The following TLL2 variants were observed in gnomAD, a reference collection of about 807,000 sequenced individuals.
TLL2 encodes the protein tolloid like 2.
TLL2 carries 106 observed loss-of-function variants against 123.0 expected under a neutral mutation model. The ratio of observed to expected loss-of-function variants is 0.86; its 90% confidence interval spans 0.74 to 1.01. The LOEUF (loss-of-function observed/expected upper bound fraction) is 1.01. TLL2 is among the 50% of genes least tolerant of loss of function. The pLI is 0.00. For synonymous variants in TLL2, 494 were observed against 516.8 expected, an observed-to-expected ratio of 0.96 and a Z score of 0.60; for missense variants, 1,332 against 1,336.7, an observed-to-expected ratio of 1.00 and a Z score of 0.06.
intron 3 of TLL2, among the ~76,000 whole-genome samples, chr10:96,444,344 G>A (rs1270251032): frequency 1.3e-5 from 2 of 152,126 alleles, no homozygotes; most frequent in Non-Finnish European, 2.9e-5. Flanking sequence ...TAATTGATAA[G>A]GAAAACACTG....
At chr10:96,410,158 C>T (rs1334088247) in intron 9 of TLL2, among the ~76,000 whole-genome samples, 2 of 152,222 alleles carry the variant, frequency 1.3e-5, no homozygotes, top group African/African-American at 2.4e-5. Flanking sequence ...ATATTTAGTA[C>T]ATGCCAGCCT....
intron 13 of TLL2, among the ~76,000 whole-genome samples, chr10:96,387,327 G>T (rs1225228946): frequency 6.6e-6 from 1 of 152,206 alleles, no homozygotes; most frequent in Non-Finnish European, 1.5e-5. Flanking sequence ...AGAAGGCCAG[G>T]CCTGGAGAAG....
chr10:96,379,212 CCT>C (rs1178959770), intron 16 of TLL2, 120 bp from the exon 17 acceptor site: 3 of 1,294,256 alleles, frequency 2.3e-6, no homozygotes, highest in Non-Finnish European at 3.2e-6. Flanking sequence ...TCCCCTTCCC[CCT>C]CTGATTGTTC....
intron 11 of TLL2, 45 bp from the exon 12 acceptor site, chr10:96,396,065 G>C: frequency 6.3e-7 from 1 of 1,599,678 alleles, no homozygotes; most frequent in South Asian, 1.1e-5. Context: ...GCCCTGGTCA[G>C]ATCTTACTTA....
At chr10:96,377,824 C>T (rs531636865) in intron 17 of TLL2, among the ~76,000 whole-genome samples, 3 of 152,342 alleles carry the variant, frequency 2.0e-5, no homozygotes, top group South Asian at 2.1e-4. Flanking sequence ...GGCAGTGGCT[C>T]AGCTCCTGGG....
intron 2 of TLL2, among the ~76,000 whole-genome samples, chr10:96,462,069 C>T (rs1847086160): frequency 6.6e-6 from 1 of 152,232 alleles, no homozygotes; most frequent in South Asian, 2.1e-4. Context: ...TATATTATCT[C>T]AGTTAATTCT....
chr10:96,367,847 C>T lies in TLL2; in HGVS notation c.*241G>A. 1 of 476,322 alleles carries T rather than the reference C, an allele frequency of 2.1e-6. No homozygotes were observed. The highest frequency in any genetic ancestry group is 3.8e-6 in the Non-Finnish European group (1 of 265,146). 29.5% of individuals were successfully genotyped at this position (476,322 alleles called of 1,614,324 possible). A position where few individuals can be genotyped will look rare whatever the true frequency, so the allele number is the denominator to read the frequency against. On this transcript the variant is annotated 3_prime_UTR_variant, in exon 21 of 21. Transcript: ENST00000357947. Reference sequence around the variant, plus strand: ...GTGACTTCAATCCTAATCTTTAACACTTTAACAGTTCATGAATGATAACAT... The same window carrying T: ...GTGACTTCAATCCTAATCTTTAACATTTTAACAGTTCATGAATGATAACAT...
At chr10:96,496,010 T>C (rs1469009610) in intron 1 of TLL2, among the ~76,000 whole-genome samples, 1 of 152,228 alleles carries the variant, frequency 6.6e-6, no homozygotes, top group African/African-American at 2.4e-5. Context: ...ATCTAAGCAA[T>C]GTCCTTGTTT....
chr10:96,482,229 G>A (rs1214481766), intron 1 of TLL2, among the ~76,000 whole-genome samples: 7 of 150,672 alleles, frequency 4.6e-5, no homozygotes, highest in Non-Finnish European at 1.0e-4. Flanking sequence ...CTGCACTCCA[G>A]CCTGGGCGAC....
chr10:96,503,919 TGGA>T (rs1248669787), intron 1 of TLL2, among the ~76,000 whole-genome samples: 2 of 151,726 alleles, frequency 1.3e-5, no homozygotes, highest in Non-Finnish European at 2.9e-5. Context: ...TCACTGGGGG[TGGA>T]GGCAGCCAGG....
intron 4 of TLL2, 112 bp from the exon 5 acceptor site, chr10:96,428,860 A>G (rs1846707006): frequency 1.5e-6 from 1 of 678,446 alleles, no homozygotes; most frequent in Admixed American, 2.8e-5. Flanking sequence ...GCTGGAGTGC[A>G]ATAGTGCGAT....
At chr10:96,377,119 C>T (rs962055130) in intron 17 of TLL2, among the ~76,000 whole-genome samples, 7 of 152,204 alleles carry the variant, frequency 4.6e-5, no homozygotes, top group African/African-American at 9.7e-5. Context: ...AGGTGGGCCT[C>T]GGCCCATGTC....
intron 2 of TLL2, among the ~76,000 whole-genome samples, chr10:96,458,587 CAAAAAAAAAAAAAAAAAA>C (rs55819031): frequency 1.3e-4 from 6 of 45,954 alleles, no homozygotes; most frequent in Admixed American, 7.0e-4. Flanking sequence ...GACTTCGTCT[CAAAAAAAAAAAAAAAAAA>C]AAAAAAAAAA....
Position 96,370,043 on chromosome 10 carries a change from C to G in TLL2, c.2913+22G>C, listed in dbSNP as rs777100451. The G allele has an allele frequency of 2.6e-6, 4 of 1,550,156 alleles. No homozygotes were observed. In the South Asian group the frequency reaches 4.9e-5, roughly 19 times the overall value. Reference sequence around the variant, plus strand: ...TGTGAATCATCACACTCTGCCCCGGCCCCAGCGTCTCCGGGACTTACCCCA... The same window carrying G: ...TGTGAATCATCACACTCTGCCCCGGGCCCAGCGTCTCCGGGACTTACCCCA... On this transcript the variant is annotated intron_variant, in intron 20 of 20. Transcript: ENST00000357947.
In TLL2 at chr10:96,484,096, G is replaced by A. The variant is rs1331719780; in HGVS notation, c.176-3637C>T. The stretch of plus-strand genomic sequence containing the variant: ...TGACCTCAAGTCATCCTCCTGCCTC[G>A]GCCTCCCAAAGTGCTGGGATTATAG... On this transcript the variant is annotated intron_variant, in intron 1 of 20. Transcript: ENST00000357947. Among the ~76,000 whole-genome samples, 11 of 152,174 alleles carry A rather than the reference G, an allele frequency of 7.2e-5. 1 individual carries two copies. The highest frequency in any genetic ancestry group is 1.3e-4 in the Admixed American group (2 of 15,288).
chr10:96,370,323 A>G lies in TLL2; in HGVS notation c.2663-8T>C. Reference sequence around the variant, plus strand: ...TCAGCCTGCCCCCGCACTCTGGAGCAGAGAGAAGTGAGATGTCCCCTCAGC... The same window carrying G: ...TCAGCCTGCCCCCGCACTCTGGAGCGGAGAGAAGTGAGATGTCCCCTCAGC... On this transcript the variant is annotated splice_polypyrimidine_tract_variant and splice_region_variant and intron_variant, in intron 19 of 20. Transcript: ENST00000357947. 6.4e-7 allele frequency: 1 copy of G among 1,555,798 alleles called. No homozygotes were observed. Among genetic ancestry groups the G allele is most frequent in the Non-Finnish European group, 8.7e-7 (1 of 1,148,648 alleles).
chr10:96,495,583 T>C (rs959588248), intron 1 of TLL2, among the ~76,000 whole-genome samples: 2 of 152,154 alleles, frequency 1.3e-5, no homozygotes, highest in Non-Finnish European at 2.9e-5. Context: ...TACAGCTCTA[T>C]GCAACCACAA....
At chr10:96,410,532 G>T in intron 8 of TLL2, 58 bp from the exon 9 acceptor site, 1 of 1,390,088 alleles carries the variant, frequency 7.2e-7, no homozygotes. Flanking sequence ...CGCCCAAGCA[G>T]CTCCCGCACG....
In TLL2 at chr10:96,420,952, C is replaced by G; in HGVS notation, c.923+4G>C. 6.2e-7 allele frequency: 1 copy of G among 1,613,692 alleles called. No homozygotes were observed. The highest frequency in any genetic ancestry group is 8.5e-7 in the Non-Finnish European group (1 of 1,179,664). On this transcript the variant is annotated splice_donor_region_variant and intron_variant, in intron 7 of 20. Transcript: ENST00000357947. Reference sequence around the variant, plus strand: ...ACAGACGAGGCATAAGCATAGATTCCGACCTTGAGAAGGTGTTCCGGGCGT... The same window carrying G: ...ACAGACGAGGCATAAGCATAGATTCGGACCTTGAGAAGGTGTTCCGGGCGT...
Sources: allele counts gnomAD v4.1 joint callset (sites outside exome capture counted in the v4.1 genomes callset), GRCh38; gene constraint gnomAD v4.1.1; transcripts MANE v1.5; gene names NCBI Gene and HGNC (gene_info 2026-07-23, HGNC 2026-07-21).